Variants in WNK2 observed in about 807,000 individuals in gnomAD.
The protein encoded by WNK2 is WNK lysine deficient protein kinase 2, also known as serine/threonine-protein kinase WNK2.
A neutral mutation model predicts 192.1 loss-of-function variants in WNK2; 67 were observed. The observed-to-expected ratio is 0.35, with a 90% confidence interval of 0.29 to 0.43. WNK2 has a LOEUF of 0.43. Ranked by LOEUF, WNK2 falls within the 20% of genes least tolerant of loss-of-function variation. WNK2 has a pLI of 1.00. For missense variants in WNK2, 2,698 were observed against 3,089.7 expected, an observed-to-expected ratio of 0.87 and a Z score of 3.01; for synonymous variants, 1,439 against 1,393.9, an observed-to-expected ratio of 1.03 and a Z score of -0.72.
At chr9:93,275,416 C>T (rs1397646273) in intron 19 of WNK2, among the ~76,000 whole-genome samples, 1 of 151,962 alleles carries the variant, frequency 6.6e-6, no homozygotes, top group East Asian at 1.9e-4. Context: ...AGTAATAATT[C>T]TTAGCAAACT....
chr9:93,319,038 T>C, intron 29 of WNK2: 2 of 1,560,228 alleles, frequency 1.3e-6, no homozygotes, highest in Non-Finnish European at 1.7e-6. Flanking sequence ...TCGTAAGAGA[T>C]TTCTGTTCTC....
intron 2 of WNK2, among the ~76,000 whole-genome samples, chr9:93,220,360 G>A (rs1235174407): frequency 6.6e-6 from 1 of 152,186 alleles, no homozygotes; most frequent in African/African-American, 2.4e-5. Flanking sequence ...AGTGCAGGAC[G>A]GGACATGGTA....
In WNK2 at chr9:93,207,626, G is replaced by C. The variant is rs144543678; in HGVS notation, c.681+22016G>C. Among the ~76,000 whole-genome samples the C allele has an allele frequency of 2.0e-5, 3 of 152,318 alleles. No individual in the cohort carries two copies. The East Asian group carries it at 5.8e-4, about 29-fold the overall frequency. ...CCATTTATAGAACAGATGCCAGAGG[G>C]AGCACTTGAGGAAATTAAACTCCAT... is the stretch of plus-strand genomic sequence containing the variant. On this transcript the variant is annotated intron_variant, in intron 2 of 29. Transcript: ENST00000427277.
At chr9:93,210,581 T>C (rs957216994) in intron 2 of WNK2, among the ~76,000 whole-genome samples, 1 of 152,136 alleles carries the variant, frequency 6.6e-6, no homozygotes, top group Admixed American at 6.5e-5. Context: ...CTCACTCAGA[T>C]CTGTCCACCT....
intron 3 of WNK2, 143 bp downstream of exon 3, chr9:93,230,011 T>A (rs1838471662): frequency 9.7e-7 from 1 of 1,028,292 alleles, no homozygotes; most frequent in Non-Finnish European, 1.4e-6. Flanking sequence ...CTGCATGGGA[T>A]GCCAGGAGGT....
chr9:93,303,584 G>A (rs1851984355), intron 26 of WNK2, among the ~76,000 whole-genome samples: 1 of 152,178 alleles, frequency 6.6e-6, no homozygotes, highest in Non-Finnish European at 1.5e-5. Context: ...GAGGCCTCGG[G>A]GTGGAGGGCA....
At chr9:93,199,133 C>T (rs1831859734) in intron 2 of WNK2, among the ~76,000 whole-genome samples, 1 of 152,188 alleles carries the variant, frequency 6.6e-6, no homozygotes. Context: ...TCCCCTTGCC[C>T]TCTGTGGGGT....
At chr9:93,267,435 C>T (rs1193521706) in intron 16 of WNK2, among the ~76,000 whole-genome samples, 2 of 152,166 alleles carry the variant, frequency 1.3e-5, no homozygotes, top group Admixed American at 6.5e-5. Context: ...GCATCCTATG[C>T]ACTTACCTGT....
chr9:93,252,728 G>A (rs1014123837), intron 8 of WNK2, among the ~76,000 whole-genome samples, 155 bp from the exon 9 acceptor site: 11 of 152,260 alleles, frequency 7.2e-5, no homozygotes, highest in Non-Finnish European at 1.6e-4. Flanking sequence ...GTATGGTTCT[G>A]TAGCAGCCAA....
chr9:93,239,693 A>T lies in WNK2; in HGVS notation c.1323-64A>T. On this transcript the variant is annotated intron_variant, in intron 6 of 29. Coordinates refer to ENST00000427277, the MANE Select transcript of WNK2 (RefSeq NM_006648.4). The surrounding 1 kb of genome is among the most constrained non-coding windows in gnomAD (Gnocchi z 4.2). The stretch of plus-strand genomic sequence containing the variant: ...TGTCCTTGTCCTGGTGCGCATGGAC[A>T]CAGGAGCCTGGGCATGGAGGCCCTG... 1.4e-6 allele frequency: 2 copies of T among 1,445,948 alleles called. No homozygotes were observed. Among genetic ancestry groups the T allele is most frequent in the Non-Finnish European group, 1.9e-6 (2 of 1,062,488 alleles). 89.6% of individuals were successfully genotyped at this position (1,445,948 alleles called of 1,614,324 possible).
At chr9:93,198,584 TG>T (rs71511648) in intron 2 of WNK2, among the ~76,000 whole-genome samples, 28,944 of 152,090 alleles carry the variant, frequency 0.19, 3,068 homozygotes, top group African/African-American at 0.29. Flanking sequence ...GGATGCTTCC[TG>T]GGGAAGATGA....
At chr9:93,254,170 G>C (rs1484027262) in intron 9 of WNK2, among the ~76,000 whole-genome samples, 1 of 152,130 alleles carries the variant, frequency 6.6e-6, no homozygotes, top group Non-Finnish European at 1.5e-5. Context: ...TCCCTCCTCA[G>C]CCTCCCAAAG....
chr9:93,197,147 A>C (rs912780304), intron 2 of WNK2, among the ~76,000 whole-genome samples: 3 of 152,182 alleles, frequency 2.0e-5, no homozygotes, highest in African/African-American at 7.2e-5. Flanking sequence ...TGGAGTTACC[A>C]GTTGTTAGTG....
chr9:93,193,417 C>G (rs969487931), intron 2 of WNK2, among the ~76,000 whole-genome samples: 1 of 152,202 alleles, frequency 6.6e-6, no homozygotes, highest in Non-Finnish European at 1.5e-5. Flanking sequence ...CTTGCTCCCC[C>G]TGCAAAATAA....
chr9:93,230,744 C>T, intron 3 of WNK2, 144 bp from the exon 4 acceptor site: 3 of 797,250 alleles, frequency 3.8e-6, no homozygotes, highest in Non-Finnish European at 5.9e-6. Context: ...GCCCTCCCGT[C>T]TCACCTTCAC....
intron 19 of WNK2, among the ~76,000 whole-genome samples, chr9:93,277,582 A>G (rs1216132659): frequency 1.3e-5 from 2 of 152,238 alleles, no homozygotes; most frequent in African/African-American, 2.4e-5. Context: ...AAAGAAGCCA[A>G]TCTCAAAAGG....
chr9:93,313,255 T>C (rs1163313637), intron 28 of WNK2, among the ~76,000 whole-genome samples: 1 of 152,258 alleles, frequency 6.6e-6, no homozygotes, highest in Non-Finnish European at 1.5e-5. Flanking sequence ...GAGTCATACC[T>C]TCCTGTTTTA....
In WNK2 at chr9:93,262,028, C is replaced by T. The variant is rs759623428; in HGVS notation, c.3281C>T (p.Ala1094Val). 3.0e-5 allele frequency: 48 copies of T among 1,611,292 alleles called. No individual in the cohort carries two copies. In the South Asian group the frequency reaches 5.2e-4, roughly 17 times the overall value. ...CAGACTGCCACACTTCTGCCACCAG[C>T]AAACCCACCGCTGCCTGGCGGGCCC... is the stretch of plus-strand genomic sequence containing the variant. ...PTQTATLLPP[A>V]NPPLPGGPGI... is the part of the protein sequence containing the mutation. Residue 1094 changes from alanine (A) to valine (V), a missense_variant, in exon 13 of 30, where the codon GCA (alanine) becomes GTA (valine). Ala to Val is a moderately conservative substitution (Grantham distance 64). Transcript: ENST00000427277.
chr9:93,248,797 G>A (rs1291134858), intron 8 of WNK2, among the ~76,000 whole-genome samples: 1 of 152,246 alleles, frequency 6.6e-6, no homozygotes, highest in Non-Finnish European at 1.5e-5. Context: ...TAAGAATTCA[G>A]CAGTGAGCTG....
Sources: allele counts gnomAD v4.1 joint callset (sites outside exome capture counted in the v4.1 genomes callset), GRCh38; gene constraint gnomAD v4.1.1; non-coding constraint Gnocchi (gnomAD v3.1); transcripts MANE v1.5; gene names NCBI Gene and HGNC (gene_info 2026-07-23, HGNC 2026-07-21).